BBS7: variants seen among roughly 807,000 people sequenced by gnomAD.
The protein encoded by BBS7 is Bardet-Biedl syndrome 7.
Under a neutral mutation model 90.3 loss-of-function variants are expected in BBS7, and 50 were observed. The observed-to-expected ratio is 0.55, with a 90% CI of 0.44 to 0.70. BBS7 has a LOEUF of 0.70. Ranked by LOEUF, BBS7 falls within the 30% of genes least tolerant of loss-of-function variation. The pLI, the probability that BBS7 is intolerant of heterozygous loss-of-function variation, is 0.00. For synonymous variants in BBS7, 235 were observed against 287.4 expected, an observed-to-expected ratio of 0.82 and a Z score of 1.85; for missense variants, 729 against 838.9, an observed-to-expected ratio of 0.87 and a Z score of 1.62.
chr4:121,862,838 G>A (rs1727057302), intron 3 of BBS7, among the ~76,000 whole-genome samples: 1 of 152,150 alleles, frequency 6.6e-6, no homozygotes, highest in South Asian at 2.1e-4. Context: ...ACATGAGCTT[G>A]GAATAAGACC....
intron 18 of BBS7, chr4:121,827,861 A>C: frequency 9.4e-7 from 1 of 1,067,384 alleles, no homozygotes; most frequent in Non-Finnish European, 1.2e-6. Context: ...GATTACATTC[A>C]TTTTATACCA....
intron 5 of BBS7, chr4:121,858,493 C>T: frequency 6.3e-6 from 1 of 157,882 alleles, no homozygotes; most frequent in East Asian, 1.9e-4. Context: ...TGGTTTTTAC[C>T]AGAAATATAA....
In BBS7 at chr4:121,833,325, G is replaced by A. The variant is rs779858648; in HGVS notation, c.1582C>T (p.Leu528=). Residue 528 remains leucine, a synonymous_variant, in exon 15 of 19, where the codon CTG becomes TTG. Coordinates refer to ENST00000264499, the MANE Select transcript of BBS7 (RefSeq NM_176824.3). ...GGAGGTTTTTCTGGAACTTCAGGCA[G>A]ACAAAAAACCACCCAGGAGTGAACT... ...AEVHSWVVFC[L]PEVPEKPPAG... is the part of the protein sequence containing the mutation. 6.2e-7 allele frequency: 1 copy of A among 1,613,968 alleles called. No individual in the cohort carries two copies. Among genetic ancestry groups the A allele is most frequent in the Admixed American group, 1.7e-5 (1 of 60,010 alleles).
intron 13 of BBS7, among the ~76,000 whole-genome samples, chr4:121,838,332 T>C (rs182117492): frequency 1.4e-5 from 2 of 144,336 alleles, no homozygotes. Context: ...TAACCAGATG[T>C]GAAACAAATA....
intron 2 of BBS7, among the ~76,000 whole-genome samples, chr4:121,866,702 T>C (rs1727295389): frequency 1.3e-5 from 2 of 152,226 alleles, no homozygotes; most frequent in South Asian, 4.1e-4. Flanking sequence ...CCCCAGGGGC[T>C]GTTCTTGGCT....
chr4:121,837,421 C>A (rs926867900), intron 13 of BBS7, among the ~76,000 whole-genome samples: 1 of 152,072 alleles, frequency 6.6e-6, no homozygotes, highest in Non-Finnish European at 1.5e-5. Flanking sequence ...GTACTTAATT[C>A]ATCTGAATTT....
At chr4:121,834,679 T>G (rs1725359779) in intron 14 of BBS7, among the ~76,000 whole-genome samples, 1 of 152,198 alleles carries the variant, frequency 6.6e-6, no homozygotes, top group African/African-American at 2.4e-5. Context: ...AAGCTCATGT[T>G]CTGAAAAACT....
intron 10 of BBS7, among the ~76,000 whole-genome samples, chr4:121,846,817 T>C (rs573628327): frequency 4.6e-5 from 7 of 152,322 alleles, no homozygotes; most frequent in Non-Finnish European, 1.0e-4. Context: ...AAGGTCAGCA[T>C]GGGTTGAAAT....
chr4:121,841,080 T>C (rs764835893), intron 12 of BBS7, among the ~76,000 whole-genome samples: 65 of 152,164 alleles, frequency 4.3e-4, no homozygotes, highest in Non-Finnish European at 7.5e-4. Context: ...CCTCAAGTGA[T>C]CCACCTGCCT....
chr4:121,855,886 G>A (rs1171495942), intron 5 of BBS7, among the ~76,000 whole-genome samples: 1 of 142,722 alleles, frequency 7.0e-6, no homozygotes, highest in African/African-American at 2.8e-5. Context: ...GTACATATAT[G>A]TACATACATG....
chr4:121,834,028 C>T (rs1251258944), intron 14 of BBS7, among the ~76,000 whole-genome samples: 8 of 151,850 alleles, frequency 5.3e-5, no homozygotes, highest in Non-Finnish European at 8.8e-5. Context: ...TAGAATAATA[C>T]CTTCTATCTT....
At position 121,825,966 on chromosome 4, in the gene BBS7, T is replaced by A. The variant is rs534408910; in HGVS notation, c.2042A>T (p.Lys681Ile). 13 of 1,605,116 alleles carry A rather than the reference T, an allele frequency of 8.1e-6. No individual in the cohort carries two copies. In the South Asian group the frequency reaches 9.9e-5, roughly 12 times the overall value. Residue 681 changes from lysine (K) to isoleucine (I), a missense_variant, in exon 19 of 19, where the codon AAA (lysine) becomes ATA (isoleucine). Transcript: ENST00000264499. ...YGMITDLFID[K>I]FKFKGTNVKT... ...TACATTGGTGCCTTTAAACTTAAAT[T>A]TATCTATGAAAAGATCAGTGATCAT...
At chr4:121,860,432 A>T (rs1200603243) in intron 4 of BBS7, among the ~76,000 whole-genome samples, 1 of 152,106 alleles carries the variant, frequency 6.6e-6, no homozygotes, top group East Asian at 1.9e-4. Context: ...GGATTCAGAC[A>T]ATCAATTTTC....
intron 5 of BBS7, among the ~76,000 whole-genome samples, chr4:121,857,810 T>TTC (rs534364851): frequency 6.1e-4 from 90 of 146,966 alleles, no homozygotes; most frequent in Non-Finnish European, 1.1e-3. Flanking sequence ...TTTCTTTTCT[T>TTC]TTTTTTTTTT....
At chr4:121,863,592 G>A (rs1213239084) in intron 2 of BBS7, among the ~76,000 whole-genome samples, 6 of 151,976 alleles carry the variant, frequency 3.9e-5, no homozygotes, top group African/African-American at 1.2e-4. Flanking sequence ...AGGTTGTTAC[G>A]AAGGTATACT....
chr4:121,866,544 T>C (rs1166946564), intron 2 of BBS7, among the ~76,000 whole-genome samples: 1 of 151,976 alleles, frequency 6.6e-6, no homozygotes, highest in Non-Finnish European at 1.5e-5. Flanking sequence ...GGATTACAAG[T>C]GTGAGCCACC....
At chr4:121,832,786 G>A (rs927666101) in intron 15 of BBS7, among the ~76,000 whole-genome samples, 2 of 152,158 alleles carry the variant, frequency 1.3e-5, no homozygotes, top group African/African-American at 4.8e-5. Context: ...ATCAATTTGG[G>A]TAGGACTGTC....
chr4:121,850,552 G>T (rs1361115050), intron 8 of BBS7, among the ~76,000 whole-genome samples: 2 of 152,024 alleles, frequency 1.3e-5, no homozygotes, highest in African/African-American at 4.8e-5. Flanking sequence ...ATTACAATCT[G>T]GTATACATTC....
rs1451507958 is a variant in BBS7, at chr4:121,870,325, G to A, written c.-12C>T. On this transcript the variant is annotated 5_prime_UTR_variant, in exon 1 of 19. Coordinates refer to ENST00000264499, the MANE Select transcript of BBS7 (RefSeq NM_176824.3). ...AAAATCAGATCCATGATGACTACGC[G>A]GAGGGGCTAAGCAGCGCCGGACAAG... 2 of 1,614,030 alleles carry A rather than the reference G, an allele frequency of 1.2e-6. No homozygotes were observed. The highest frequency in any genetic ancestry group is 1.7e-6 in the Non-Finnish European group (2 of 1,180,002).
Sources: gnomAD v4.1 joint callset for allele counts (sites outside exome capture counted in the v4.1 genomes callset) on GRCh38, gnomAD v4.1.1 for gene constraint, MANE v1.5 for transcripts, NCBI Gene and HGNC (gene_info 2026-07-23, HGNC 2026-07-21) for gene names.